TOMM70: variants seen among roughly 807,000 people sequenced by gnomAD.
TOMM70 encodes the protein translocase of outer mitochondrial membrane 70.
Under a neutral mutation model 73.6 loss-of-function variants are expected in TOMM70, and 13 were observed. The observed-to-expected ratio is 0.18, with a 90% CI of 0.11 to 0.28. TOMM70 has a LOEUF of 0.28. TOMM70 is among the 10% of genes least tolerant of loss of function. The pLI, the probability that TOMM70 is intolerant of heterozygous loss-of-function variation, is 1.00. For missense variants in TOMM70, 609 were observed against 747.5 expected, an observed-to-expected ratio of 0.81 and a Z score of 2.16; for synonymous variants, 257 against 271.2, an observed-to-expected ratio of 0.95 and a Z score of 0.51.
rs569472189 is a variant in TOMM70, at chr3:100,367,999, A to G, written c.1673+45T>C. The G allele has an allele frequency of 3.2e-6, 5 of 1,581,938 alleles. No individual in the cohort carries two copies. The South Asian group carries it at 5.8e-5, about 18-fold the overall frequency. On this transcript the variant is annotated intron_variant, in intron 11 of 11. Transcript: ENST00000284320. ...ACGTAATAAGAACAAAAAGCTAAAT[A>G]TCTATGGAGCTACCATATATTTCCT...
rs751557399 is a variant in TOMM70, at chr3:100,401,001, CCAAA to C, written c.-56_-53del. 2.7e-6 allele frequency: 4 copies of C among 1,504,060 alleles called. 1 individual carries two copies. The highest frequency in any genetic ancestry group is 2.4e-5 in the South Asian group (2 of 82,856). The allele number at this position is 1,504,060 out of a possible 1,614,324, so 93.2% of individuals were successfully genotyped here. On this transcript the variant is annotated 5_prime_UTR_variant, in exon 1 of 12. Transcript: ENST00000284320. The stretch of plus-strand genomic sequence containing the variant: ...CTGTCTGTCGCGAGCGCCACAATCA[CCAAA>C]CAGCGTGCGAAGGAAGACCGAGGGA...
chr3:100,370,847 T>C (rs888991981), intron 9 of TOMM70, among the ~76,000 whole-genome samples: 14 of 152,170 alleles, frequency 9.2e-5, no homozygotes, highest in African/African-American at 3.4e-4. Context: ...TAGGGAAATA[T>C]GCTATTGGGA....
At chr3:100,367,614 CAAAT>C (rs959416907) in intron 11 of TOMM70, among the ~76,000 whole-genome samples, 14 of 152,160 alleles carry the variant, frequency 9.2e-5, no homozygotes, top group Non-Finnish European at 1.3e-4. Flanking sequence ...GTAGGAAACT[CAAAT>C]GAATGGCAAT....
intron 8 of TOMM70, 102 bp from the exon 9 acceptor site, chr3:100,372,824 T>A: frequency 1.0e-6 from 1 of 1,001,520 alleles, no homozygotes; most frequent in Non-Finnish European, 1.5e-6. Context: ...AAAAAACAGG[T>A]GATTTGCTAA....
chr3:100,396,702 G>T (rs772309848), intron 1 of TOMM70, among the ~76,000 whole-genome samples: 2 of 151,920 alleles, frequency 1.3e-5, no homozygotes, highest in African/African-American at 2.4e-5. Flanking sequence ...AAGCAAAATG[G>T]CACATCATGG....
intron 1 of TOMM70, among the ~76,000 whole-genome samples, chr3:100,395,742 A>C (rs959153038): frequency 1.3e-5 from 2 of 152,182 alleles, no homozygotes; most frequent in Non-Finnish European, 2.9e-5. Context: ...ATGAAACTTC[A>C]TTCATTCAAC....
intron 1 of TOMM70, among the ~76,000 whole-genome samples, chr3:100,390,868 G>A (rs1706751298): frequency 6.6e-6 from 1 of 151,824 alleles, no homozygotes; most frequent in Non-Finnish European, 1.5e-5. Context: ...GGCTGAGTGC[G>A]GCGGCTCACG....
intron 9 of TOMM70, among the ~76,000 whole-genome samples, chr3:100,369,498 ATT>A (rs11327711): frequency 0.025 from 3,430 of 137,576 alleles, 80 homozygotes; most frequent in African/African-American, 0.07. Context: ...GCCCAAGGGA[ATT>A]TTTTTTTTTT....
chr3:100,384,389 CA>C, intron 4 of TOMM70, 89 bp downstream of exon 4: 1 of 838,634 alleles, frequency 1.2e-6, no homozygotes, highest in Middle Eastern at 2.5e-4. Context: ...TTGCCATTAC[CA>C]CTATGCCTAA....
intron 1 of TOMM70, among the ~76,000 whole-genome samples, chr3:100,395,121 G>A (rs1008771371): frequency 6.6e-5 from 10 of 152,140 alleles, no homozygotes; most frequent in Non-Finnish European, 1.3e-4. Context: ...TGTAATCCTA[G>A]CACTTTGGGA....
chr3:100,400,754 G>A lies in TOMM70; in HGVS notation c.196C>T (p.Arg66Trp), dbSNP rs1470265347. The A allele has an allele frequency of 6.3e-7, 1 of 1,595,350 alleles. No homozygotes were observed. The change falls in exon 1 of 12, where the codon CGG becomes TGG. Residue 66 changes from arginine (R) to tryptophan (W), a missense_variant. By Grantham distance (101) the Arg-to-Trp change is moderately radical. Transcript: ENST00000284320. ...IYLWSRQQRR[R>W]EARGRGDASG... Reference sequence around the variant, plus strand: ...GCGTCGCCCCGGCCTCTGGCCTCCCGGCGCCGTTGCTGCCGACTCCACAGG... The same window carrying A: ...GCGTCGCCCCGGCCTCTGGCCTCCCAGCGCCGTTGCTGCCGACTCCACAGG...
At chr3:100,397,815 G>A (rs1459830037) in intron 1 of TOMM70, among the ~76,000 whole-genome samples, 1 of 152,084 alleles carries the variant, frequency 6.6e-6, no homozygotes, top group East Asian at 1.9e-4. Flanking sequence ...CTTGAGCCCA[G>A]GAGGCAGAGG....
intron 1 of TOMM70, among the ~76,000 whole-genome samples, chr3:100,387,599 G>GACACAGACACAGAC (rs796319693): frequency 5.9e-5 from 7 of 118,188 alleles, no homozygotes; most frequent in African/African-American, 2.2e-4. Flanking sequence ...CACAGACACA[G>GACACAGACACAGAC]ACACACACAC....
rs749550224 is a variant in TOMM70, at chr3:100,384,530, G to A, written c.684C>T (p.Ala228=). Residue 228 remains alanine, a synonymous_variant, in exon 4 of 12, where the codon GCC becomes GCT. Coordinates refer to ENST00000284320, the MANE Select transcript of TOMM70 (RefSeq NM_014820.5). ...TTCCAAGGAGTTTAAGAACTTTATC[G>A]GCTAACAGCATGCTTTGTTGATTTT... ...GFQNQQSMLL[A]DKVLKLLGKE... The A allele has an allele frequency of 5.0e-6, 8 of 1,610,002 alleles. No individual in the cohort carries two copies. The highest frequency in any genetic ancestry group is 3.4e-5 in the Admixed American group (2 of 59,170).
In TOMM70 at chr3:100,363,817, C is replaced by T. The variant is rs1299623555; in HGVS notation, c.*1747G>A. 2.0e-5 allele frequency: 3 copies of T among 152,354 alleles called. No homozygotes were observed. The highest frequency in any genetic ancestry group is 3.4e-3 in the Middle Eastern group (1 of 294). 9.4% of individuals were successfully genotyped at this position (152,354 alleles called of 1,614,324 possible). A position where few individuals can be genotyped will look rare whatever the true frequency, so the allele number is the denominator to read the frequency against. On this transcript the variant is annotated 3_prime_UTR_variant, in exon 12 of 12. Coordinates refer to ENST00000284320, the MANE Select transcript of TOMM70 (RefSeq NM_014820.5). ...AAAAACAAAATGCAGCGGTCTCAAA[C>T]TTCCCATCATCCAAATCATCTTGAA...
chr3:100,381,989 T>TA (rs1422907312), intron 4 of TOMM70, among the ~76,000 whole-genome samples: 1 of 152,202 alleles, frequency 6.6e-6, no homozygotes, highest in Admixed American at 6.5e-5. Flanking sequence ...TCTACAAAGA[T>TA]GTAAGACCAC....
intron 1 of TOMM70, among the ~76,000 whole-genome samples, chr3:100,392,344 T>C (rs993220212): frequency 9.9e-5 from 15 of 152,204 alleles, no homozygotes; most frequent in African/African-American, 3.6e-4. Flanking sequence ...AGACACATGA[T>C]CTAAAGTAAA....
chr3:100,366,090 C>T (rs1330696407), intron 11 of TOMM70, among the ~76,000 whole-genome samples: 2 of 152,184 alleles, frequency 1.3e-5, no homozygotes, highest in East Asian at 1.9e-4. Flanking sequence ...TTACATGTTT[C>T]TACTGTTAAC....
chr3:100,397,420 T>C (rs1706837385), intron 1 of TOMM70, among the ~76,000 whole-genome samples: 1 of 152,214 alleles, frequency 6.6e-6, no homozygotes, highest in Admixed American at 6.5e-5. Flanking sequence ...CAAAGAACAA[T>C]CTAGTAATTC....
Sources: allele counts gnomAD v4.1 joint callset (sites outside exome capture counted in the v4.1 genomes callset), GRCh38; gene constraint gnomAD v4.1.1; transcripts MANE v1.5; gene names NCBI Gene and HGNC (gene_info 2026-07-23, HGNC 2026-07-21).